POU6F2: variants seen among roughly 807,000 people sequenced by gnomAD.
The protein encoded by POU6F2 is POU class 6 homeobox 2, also known as POU domain, class 6, transcription factor 2.
In POU6F2, 31 loss-of-function variants were observed where a neutral mutation model predicts 71.3. That is an observed-to-expected ratio of 0.43 (90% CI 0.33 to 0.59). The LOEUF (loss-of-function observed/expected upper bound fraction) is 0.59. Ranked by LOEUF, POU6F2 falls within the 20% of genes least tolerant of loss-of-function variation. The pLI is 0.04. For synonymous variants in POU6F2, 347 were observed against 355.7 expected (o/e 0.98, Z 0.27); for missense variants, 783 against 856.8 (o/e 0.91, Z 1.07).
chr7:39,127,613 G>A (rs73365515), intron 2 of POU6F2, among the ~76,000 whole-genome samples: 2,610 of 152,154 alleles, frequency 0.017, 64 homozygotes, highest in African/African-American at 0.06. Flanking sequence ...GAGCGTGATG[G>A]GGGTACCATG....
chr7:39,189,793 A>G (rs1031689505), intron 2 of POU6F2, among the ~76,000 whole-genome samples: 4 of 152,172 alleles, frequency 2.6e-5, no homozygotes, highest in Non-Finnish European at 4.4e-5. Context: ...GCATCATCCA[A>G]TCCAGAGTGA....
intron 2 of POU6F2, among the ~76,000 whole-genome samples, chr7:39,090,951 GA>G (rs56907116): frequency 0.23 from 34,901 of 148,682 alleles, 4,599 homozygotes; most frequent in East Asian, 0.56. Context: ...CTACTTGAGT[GA>G]AAAAAAAAAT....
At chr7:39,409,673 A>T (rs1490870139) in intron 6 of POU6F2, among the ~76,000 whole-genome samples, 2 of 152,174 alleles carry the variant, frequency 1.3e-5, no homozygotes, top group African/African-American at 4.8e-5. Context: ...GGCTGGGCAG[A>T]TGTCCTCGGC....
At chr7:39,393,469 G>A (rs946412048) in intron 5 of POU6F2, among the ~76,000 whole-genome samples, 29 of 152,070 alleles carry the variant, frequency 1.9e-4, no homozygotes, top group African/African-American at 7.0e-4. Flanking sequence ...GTGAACCCAG[G>A]GCTGCTTACA....
rs772384768 is a variant in POU6F2 at position 39,464,241 on chromosome 7, C to A, written c.1718C>A (p.Ala573Asp). The A allele has an allele frequency of 6.2e-7, 1 of 1,613,878 alleles. No individual in the cohort carries two copies. Among genetic ancestry groups the A allele is most frequent in the Admixed American group, 1.7e-5 (1 of 60,004 alleles). The change falls in exon 10 of 10, where the codon GCT becomes GAT. Residue 573 changes from alanine (A) to aspartate (D), a missense_variant. Physicochemically the swap from Ala to Asp is moderately radical, Grantham distance 126. Transcript: ENST00000518318. This position sits in a 1 kb window ranked among gnomAD's most constrained non-coding sequence, Gnocchi z 4.1. ...CAGGAAGCCCAAGAGAACACTATAGCTAGCAGTCTGACAGCCAAACTGAAC... is the reference window on the plus strand; with the variant it reads ...CAGGAAGCCCAAGAGAACACTATAGATAGCAGTCTGACAGCCAAACTGAAC... Reference protein sequence around the residue: ...LPQEAQENTIASSLTAKLNPG... With the variant: ...LPQEAQENTIDSSLTAKLNPG...
At chr7:39,190,417 T>TA (rs57872350) in intron 2 of POU6F2, among the ~76,000 whole-genome samples, 10,994 of 59,832 alleles carry the variant, frequency 0.18, 1,763 homozygotes, top group Non-Finnish European at 0.2. Context: ...CTCCTTTTCT[T>TA]AAAAAAAAAA....
chr7:39,140,310 G>T (rs1481225568), intron 2 of POU6F2, among the ~76,000 whole-genome samples: 1 of 152,212 alleles, frequency 6.6e-6, no homozygotes, highest in Non-Finnish European at 1.5e-5. Flanking sequence ...AGGGGTGGAG[G>T]CTAAAGTGGC....
At chr7:39,219,460 G>T (rs551427467) in intron 4 of POU6F2, among the ~76,000 whole-genome samples, 75 of 152,218 alleles carry the variant, frequency 4.9e-4, no homozygotes, top group African/African-American at 1.7e-3. Flanking sequence ...GGTCATGCCT[G>T]CTGTCCTCAT....
intron 2 of POU6F2, among the ~76,000 whole-genome samples, chr7:39,159,856 G>A (rs1356007075): frequency 6.6e-6 from 1 of 152,160 alleles, no homozygotes; most frequent in Non-Finnish European, 1.5e-5. Context: ...TGAGGCCAGA[G>A]AAGAGAAAAA....
chr7:39,131,543 G>A (rs1394439166), intron 2 of POU6F2, among the ~76,000 whole-genome samples: 1 of 152,150 alleles, frequency 6.6e-6, no homozygotes. Flanking sequence ...AAGAGCCCTT[G>A]ATTCGGTCGA....
intron 4 of POU6F2, among the ~76,000 whole-genome samples, chr7:39,236,643 C>T (rs932325317): frequency 2.9e-4 from 44 of 152,080 alleles, no homozygotes; most frequent in African/African-American, 9.7e-4. Context: ...TTTGCTGAAC[C>T]TGTTGCTAGT....
rs905429720 is a variant in POU6F2, at chr7:39,464,540, C to G, written c.2017C>G (p.Leu673Val). ...GQEMTEIAEK[L>V]NYDREVVRVW... The stretch of plus-strand genomic sequence containing the variant: ...GGAAATGACCGAAATTGCTGAGAAG[C>G]TGAACTATGACCGAGAAGTAGTTAG... The change falls in exon 10 of 10, where the codon CTG becomes GTG. Residue 673 changes from leucine (L) to valine (V), a missense_variant. By Grantham distance (32) the Leu-to-Val change is conservative. Around this residue, in one of 2 missense-constraint regions of POU6F2, gnomAD observed 211 missense variants for 283.9 expected, o/e 0.74. Transcript: ENST00000518318. The surrounding 1 kb of genome is among the most constrained non-coding windows in gnomAD (Gnocchi z 4.1). 6.2e-7 allele frequency: 1 copy of G among 1,613,300 alleles called. No individual in the cohort carries two copies. The highest frequency in any genetic ancestry group is 1.3e-5 in the African/African-American group (1 of 75,046).
intron 6 of POU6F2, among the ~76,000 whole-genome samples, chr7:39,409,003 T>C (rs1052505302): frequency 1.1e-4 from 17 of 152,352 alleles, no homozygotes; most frequent in African/African-American, 4.1e-4. Context: ...GTTTTTTGTT[T>C]GTGTGTGTGC....
intron 1 of POU6F2, among the ~76,000 whole-genome samples, chr7:39,027,758 A>G (rs997197981): frequency 6.6e-6 from 1 of 152,192 alleles, no homozygotes; most frequent in African/African-American, 2.4e-5. Flanking sequence ...TGCTCCATCT[A>G]GAAAAATGTG....
At chr7:39,087,065 TCAA>T (rs1301807513) in intron 2 of POU6F2, among the ~76,000 whole-genome samples, 1 of 124,178 alleles carries the variant, frequency 8.1e-6, no homozygotes, top group African/African-American at 3.0e-5. Flanking sequence ...CACCTGAACT[TCAA>T]AAAAAAAAAA....
chr7:39,037,500 GTCT>G (rs75843060), intron 1 of POU6F2, among the ~76,000 whole-genome samples: 25,417 of 151,784 alleles, frequency 0.17, 2,506 homozygotes, highest in Non-Finnish European at 0.23. Context: ...GATGAAGGTT[GTCT>G]TCTTTTTTGT....
At chr7:39,136,007 T>C (rs1196543960) in intron 2 of POU6F2, among the ~76,000 whole-genome samples, 1 of 152,168 alleles carries the variant, frequency 6.6e-6, no homozygotes, top group Non-Finnish European at 1.5e-5. Flanking sequence ...GAATATATAG[T>C]AGCAACTACA....
intron 4 of POU6F2, among the ~76,000 whole-genome samples, chr7:39,236,561 A>T (rs1472487678): frequency 6.6e-6 from 1 of 152,170 alleles, no homozygotes; most frequent in African/African-American, 2.4e-5. Flanking sequence ...GCAAGCTTGT[A>T]AGTTTCCAGT....
At chr7:39,442,227 T>C (rs990245174) in intron 7 of POU6F2, among the ~76,000 whole-genome samples, 1 of 152,184 alleles carries the variant, frequency 6.6e-6, no homozygotes, top group Non-Finnish European at 1.5e-5. Context: ...GCAAGACAGA[T>C]GCCATGAGCT....
Sources: allele counts gnomAD v4.1 joint callset (sites outside exome capture counted in the v4.1 genomes callset), GRCh38; gene constraint gnomAD v4.1.1; regional missense constraint gnomAD v4.1.1; non-coding constraint Gnocchi (gnomAD v3.1); transcripts MANE v1.5; gene names NCBI Gene and HGNC (gene_info 2026-07-23, HGNC 2026-07-21).